BDH1: variants seen among roughly 807,000 people sequenced by gnomAD.
BDH1 encodes 3-hydroxybutyrate dehydrogenase 1.
In BDH1, 30 loss-of-function variants were observed where a neutral mutation model predicts 33.1. The ratio of observed to expected loss-of-function variants is 0.91; its 90% CI spans 0.68 to 1.23. The LOEUF (loss-of-function observed/expected upper bound fraction) is 1.23. Ranked by LOEUF, BDH1 falls within the 50% of genes most tolerant of loss-of-function variation. BDH1 has a pLI of 0.00. For synonymous variants in BDH1, 190 were observed against 183.6 expected (o/e 1.03, Z -0.28); for missense variants, 443 against 464.4 (o/e 0.95, Z 0.42).
At chr3:197,565,060 T>A (rs533599902) in intron 1 of BDH1, among the ~76,000 whole-genome samples, 1 of 152,326 alleles carries the variant, frequency 6.6e-6, no homozygotes, top group South Asian at 2.1e-4. Flanking sequence ...GTAGCTGAGA[T>A]TACAGGCATG....
intron 3 of BDH1, among the ~76,000 whole-genome samples, chr3:197,545,705 G>C (rs1716020570): frequency 6.6e-6 from 1 of 152,260 alleles, no homozygotes; most frequent in Non-Finnish European, 1.5e-5. Context: ...GTAATTTCCT[G>C]ATTTTGATCA....
chr3:197,512,052 G>A lies in BDH1; in HGVS notation c.875C>T (p.Ser292Phe), dbSNP rs772364255. 28 of 1,614,078 alleles carry A rather than the reference G, an allele frequency of 1.7e-5. No individual in the cohort carries two copies. The highest frequency in any genetic ancestry group is 1.6e-4 in the Middle Eastern group (1 of 6,084). The change falls in exon 8 of 8, where the codon TCC becomes TTC. Residue 292 changes from serine (S) to phenylalanine (F), a missense_variant. Coordinates refer to ENST00000392379, the MANE Select transcript of BDH1 (RefSeq NM_203314.3). ...ATCGATGACAGGGGACGTGTCTGTG[G>A]AGCCACTGCTGCAGTAGGTCTCCAT... The part of the protein sequence containing the change: ...AKMETYCSSG[S>F]TDTSPVIDAV...
At chr3:197,530,614 T>A (rs2108739324) in intron 5 of BDH1, 1 of 152,274 alleles carries the variant, frequency 6.6e-6, no homozygotes, top group East Asian at 1.9e-4. Flanking sequence ...CCCCCAATAA[T>A]AACAAAAATA....
chr3:197,512,969 C>T (rs35959915), intron 7 of BDH1, among the ~76,000 whole-genome samples: 14,616 of 152,160 alleles, frequency 0.096, 935 homozygotes, highest in African/African-American at 0.17. Flanking sequence ...GGACAGGACC[C>T]GTGCTGTTAG....
In BDH1 at chr3:197,514,222, G is replaced by C. The variant is rs759907880; in HGVS notation, c.562+42C>G. 9 of 1,583,450 alleles carry C rather than the reference G, an allele frequency of 5.7e-6. No individual in the cohort carries two copies. The highest frequency in any genetic ancestry group is 7.7e-6 in the Non-Finnish European group (9 of 1,161,838). On this transcript the variant is annotated intron_variant, in intron 7 of 7. Coordinates refer to ENST00000392379, the MANE Select transcript of BDH1 (RefSeq NM_203314.3). The surrounding 1 kb of genome is among the most constrained non-coding windows in gnomAD (Gnocchi z 4.2). Reference sequence around the variant, plus strand: ...CATTCTGAGCAAAGATGAACACGTGGGGCAGGTTCAGGGGCAGGAGGGAGC... The same window carrying C: ...CATTCTGAGCAAAGATGAACACGTGCGGCAGGTTCAGGGGCAGGAGGGAGC...
Position 197,512,898 on chromosome 3 carries a change from T to G in BDH1, c.563-534A>C, listed in dbSNP as rs1217922600. Among the ~76,000 whole-genome samples, 7 of 151,920 alleles carry G rather than the reference T, an allele frequency of 4.6e-5. No individual in the cohort carries two copies. The East Asian group carries it at 1.2e-3, about 25-fold the overall frequency. On this transcript the variant is annotated intron_variant, in intron 7 of 7. Coordinates refer to ENST00000392379, the MANE Select transcript of BDH1 (RefSeq NM_203314.3). ...GCAGCCCTGGCGATGGGGGTTGGAG[T>G]GCAGACGAGGAAGTACCTGGGGCTG... is the stretch of plus-strand genomic sequence containing the variant.
intron 3 of BDH1, among the ~76,000 whole-genome samples, chr3:197,537,935 T>C (rs1254897861): frequency 1.3e-5 from 2 of 152,216 alleles, no homozygotes; most frequent in Non-Finnish European, 2.9e-5. Context: ...CTGAGCTTAC[T>C]GGTATTTCTG....
At chr3:197,540,874 A>G (rs1045188066) in intron 3 of BDH1, among the ~76,000 whole-genome samples, 3 of 152,168 alleles carry the variant, frequency 2.0e-5, no homozygotes, top group African/African-American at 7.2e-5. Flanking sequence ...AGAGAGCAGA[A>G]GGTTCTATCT....
rs1579857403 is a variant in BDH1 at position 197,514,472 on chromosome 3, C to A, written c.410-56G>T. On this transcript the variant is annotated intron_variant, in intron 6 of 7. Coordinates refer to ENST00000392379, the MANE Select transcript of BDH1 (RefSeq NM_203314.3). The surrounding 1 kb of genome is among the most constrained non-coding windows in gnomAD (Gnocchi z 4.2). ...CCACATGGGCTTGGCCCAGACATTG[C>A]CCATCAGCCTGCAGGCCAGCCTCCT... The A allele has an allele frequency of 1.3e-6, 2 of 1,489,706 alleles. No homozygotes were observed. Among genetic ancestry groups the A allele is most frequent in the South Asian group, 1.4e-5 (1 of 71,768 alleles). The allele number at this position is 1,489,706 out of a possible 1,614,324, so 92.3% of individuals were successfully genotyped here. A position where few individuals can be genotyped will look rare whatever the true frequency, so the allele number is the denominator to read the frequency against.
chr3:197,532,508 A>G lies in BDH1; in HGVS notation c.171T>C (p.Ala57=). ...ASAAEPVGSK[A]VLVTGCDSGF... The stretch of plus-strand genomic sequence containing the variant: ...CAGAGTCACAGCCTGTGACCAGGAC[A>G]GCTTTGCTGCCAACCTGTTTTACAA... The change falls in exon 5 of 8, where the codon GCT becomes GCC. Residue 57 remains alanine, a synonymous_variant. Coordinates refer to ENST00000392379, the MANE Select transcript of BDH1 (RefSeq NM_203314.3). The G allele has an allele frequency of 6.2e-7, 1 of 1,614,124 alleles. No individual in the cohort carries two copies. Among genetic ancestry groups the G allele is most frequent in the Non-Finnish European group, 8.5e-7 (1 of 1,179,946 alleles).
At chr3:197,532,787 T>C (rs1037324222) in intron 4 of BDH1, among the ~76,000 whole-genome samples, 1 of 152,230 alleles carries the variant, frequency 6.6e-6, no homozygotes, top group South Asian at 2.1e-4. Flanking sequence ...CCATGCTACA[T>C]GTGAGAAACA....
chr3:197,550,554 G>A (rs1312266697), intron 2 of BDH1, among the ~76,000 whole-genome samples: 4 of 152,216 alleles, frequency 2.6e-5, no homozygotes, highest in African/African-American at 9.7e-5. Context: ...CAGACCCAAG[G>A]TGAGCCCATT....
In BDH1 at chr3:197,546,619, C is replaced by T. The variant is rs1320824170; in HGVS notation, c.-43-133G>A. 5.0e-6 allele frequency: 3 copies of T among 595,824 alleles called. No homozygotes were observed. The African/African-American group carries it at 5.6e-5, about 11-fold the overall frequency. The allele number at this position is 595,824 out of a possible 1,614,324, so 36.9% of individuals were successfully genotyped here. On this transcript the variant is annotated intron_variant, in intron 2 of 7. Coordinates refer to ENST00000392379, the MANE Select transcript of BDH1 (RefSeq NM_203314.3). ...CCACCCAGCTCCAGTCCTGGTACCA[C>T]CAGGTAGTCCACTCTGGTTCCTCTC...
chr3:197,526,404 C>T lies in BDH1; in HGVS notation c.268-3623G>A, dbSNP rs1042244460. On this transcript the variant is annotated intron_variant, in intron 5 of 7. Coordinates refer to ENST00000392379, the MANE Select transcript of BDH1 (RefSeq NM_203314.3). This position sits in a 1 kb window ranked among gnomAD's most constrained non-coding sequence, Gnocchi z 4.7. ...GGGGCAAGACTGTAGTCGTCTGAGG[C>T]TGGCTAATGTCTGCTGTTGCTGCCC... Among the ~76,000 whole-genome samples the T allele has an allele frequency of 6.6e-6, 1 of 152,220 alleles. No individual in the cohort carries two copies. The highest frequency in any genetic ancestry group is 2.4e-5 in the African/African-American group (1 of 41,452).
At chr3:197,527,367 A>G (rs1442159377) in intron 5 of BDH1, among the ~76,000 whole-genome samples, 2 of 152,150 alleles carry the variant, frequency 1.3e-5, no homozygotes, top group Non-Finnish European at 2.9e-5. Context: ...GATTTGGGAA[A>G]ATGGGGGCTG....
chr3:197,551,713 C>T (rs188678458), intron 2 of BDH1, among the ~76,000 whole-genome samples: 4 of 152,238 alleles, frequency 2.6e-5, no homozygotes, highest in African/African-American at 9.6e-5. Context: ...TGTATTAATT[C>T]TCAGTTTTGA....
intron 5 of BDH1, among the ~76,000 whole-genome samples, chr3:197,524,819 G>A (rs1713929668): frequency 6.6e-6 from 1 of 152,082 alleles, no homozygotes; most frequent in South Asian, 2.1e-4. Flanking sequence ...CAGGAGGTCG[G>A]GCTGATCTCC....
rs1034809845 is a variant in BDH1, at chr3:197,510,281, G to T, written c.*1614C>A. 3 of 152,314 alleles carry T rather than the reference G, an allele frequency of 2.0e-5. No individual in the cohort carries two copies. The highest frequency in any genetic ancestry group is 7.2e-5 in the African/African-American group (3 of 41,464). 9.4% of individuals were successfully genotyped at this position (152,314 alleles called of 1,614,324 possible). On this transcript the variant is annotated 3_prime_UTR_variant, in exon 8 of 8. Coordinates refer to ENST00000392379, the MANE Select transcript of BDH1 (RefSeq NM_203314.3). ...CTCGGGCGGCAGCGCGGGAGTCTGG[G>T]GCGCTGGAGGCCGGCGCCGGCTGCG...
At position 197,525,795 on chromosome 3, in the gene BDH1, G is replaced by C. The variant is rs992145861; in HGVS notation, c.268-3014C>G. ...CCCCCTCAGGGTCTACCTGTCCTCA[G>C]GCCAAGACTGCCCCGCAGGCCACAC... On this transcript the variant is annotated intron_variant, in intron 5 of 7. Transcript: ENST00000392379. The surrounding 1 kb of genome is among the most constrained non-coding windows in gnomAD (Gnocchi z 4.9). 2.6e-5 allele frequency among the ~76,000 whole-genome samples: 4 copies of C among 152,200 alleles called. No homozygotes were observed. The highest frequency in any genetic ancestry group is 9.6e-5 in the African/African-American group (4 of 41,456).
Sources: allele counts gnomAD v4.1 joint callset (sites outside exome capture counted in the v4.1 genomes callset), GRCh38; gene constraint gnomAD v4.1.1; non-coding constraint Gnocchi (gnomAD v3.1); transcripts MANE v1.5; gene names NCBI Gene and HGNC (gene_info 2026-07-23, HGNC 2026-07-21).